The following DNAJB6 variants were observed in gnomAD, a reference collection of about 807,000 sequenced individuals.
The protein encoded by DNAJB6 is dnaJ homolog subfamily B member 6.
DNAJB6 carries 16 observed loss-of-function variants against 42.7 expected under a neutral mutation model. The observed-to-expected ratio is 0.37, with a 90% CI of 0.25 to 0.57. DNAJB6 has a LOEUF of 0.57. Ranked by LOEUF, DNAJB6 falls within the 20% of genes least tolerant of loss-of-function variation. The probability of loss-of-function intolerance (pLI) is 0.74; values close to 1 mark genes in which losing one functional copy is unlikely to be tolerated. For missense variants in DNAJB6, 347 were observed against 416.8 expected (o/e 0.83, Z 1.46); for synonymous variants, 170 against 163.5 (o/e 1.04, Z -0.30).
intron 5 of DNAJB6, chr7:157,380,301 T>C (rs766013062): frequency 6.6e-6 from 1 of 152,228 alleles, no homozygotes; most frequent in Non-Finnish European, 1.5e-5. Context: ...CTAAATAGCA[T>C]GCTTGGATTT....
intron 5 of DNAJB6, chr7:157,368,943 G>A (rs1202738120): frequency 1.2e-5 from 3 of 247,188 alleles, no homozygotes; most frequent in Admixed American, 5.2e-5. Flanking sequence ...CTCATATCTG[G>A]TAGGTCTTGG....
chr7:157,397,064 T>A (rs1801622672), intron 8 of DNAJB6, among the ~76,000 whole-genome samples: 1 of 152,218 alleles, frequency 6.6e-6, no homozygotes, highest in Admixed American at 6.5e-5. Flanking sequence ...CTCACCGATG[T>A]GGACGTGTGC....
At chr7:157,386,577 G>A (rs1801070433) in intron 8 of DNAJB6, among the ~76,000 whole-genome samples, 1 of 151,900 alleles carries the variant, frequency 6.6e-6, no homozygotes, top group African/African-American at 2.4e-5. Flanking sequence ...GTATGTTCTA[G>A]TTTGATGTAA....
intron 1 of DNAJB6, among the ~76,000 whole-genome samples, chr7:157,354,937 C>T (rs765820132): frequency 1.1e-4 from 16 of 151,990 alleles, no homozygotes; most frequent in Admixed American, 3.9e-4. Flanking sequence ...AAATTTTGGT[C>T]GTGTTCTATT....
chr7:157,406,757 C>T (rs1179340085), intron 8 of DNAJB6, among the ~76,000 whole-genome samples: 1 of 152,246 alleles, frequency 6.6e-6, no homozygotes, highest in Admixed American at 6.5e-5. Context: ...GTCTCAGCCT[C>T]TGAGGAGACG....
chr7:157,406,149 G>A (rs1420555010), intron 8 of DNAJB6, among the ~76,000 whole-genome samples: 1 of 152,254 alleles, frequency 6.6e-6, no homozygotes, highest in East Asian at 1.9e-4. Context: ...GACCCCTGCT[G>A]GCACATCTGT....
At chr7:157,341,366 C>T (rs1237224543) in intron 1 of DNAJB6, among the ~76,000 whole-genome samples, 2 of 152,058 alleles carry the variant, frequency 1.3e-5, no homozygotes, top group Non-Finnish European at 2.9e-5. Flanking sequence ...CCTCGTGATC[C>T]ACCCGCCTCG....
rs750100897 is a variant in DNAJB6, at chr7:157,384,908, T to C, written c.520T>C (p.Ser174Pro). ...GTCACTAGGTCACGGGGGCCTCACTTCATTCTCTTCCACGTCATTTGGTGG... is the reference window on the plus strand; with the variant it reads ...GTCACTAGGTCACGGGGGCCTCACTCCATTCTCTTCCACGTCATTTGGTGG... ...FGSLGHGGLT[S>P]FSSTSFGGSG... Residue 174 changes from serine to proline, a missense_variant, in exon 7 of 10, where the codon TCA becomes CCA. Coordinates refer to ENST00000262177, the MANE Select transcript of DNAJB6 (RefSeq NM_058246.4). 2.3e-5 allele frequency: 37 copies of C among 1,613,608 alleles called. No homozygotes were observed. The highest frequency in any genetic ancestry group is 3.0e-5 in the Non-Finnish European group (35 of 1,179,880).
intron 8 of DNAJB6, among the ~76,000 whole-genome samples, chr7:157,391,883 C>T (rs1801360899): frequency 6.6e-6 from 1 of 152,028 alleles, no homozygotes; most frequent in Non-Finnish European, 1.5e-5. Context: ...GGGTTGATTG[C>T]TTTGAGCCCA....
At chr7:157,415,383 C>T (rs1796084460) in intron 9 of DNAJB6, 1 of 152,324 alleles carries the variant, frequency 6.6e-6, no homozygotes, top group Non-Finnish European at 1.5e-5. Flanking sequence ...AAAGACTTTC[C>T]TCAATAAGAA....
intron 3 of DNAJB6, among the ~76,000 whole-genome samples, chr7:157,365,318 G>T (rs955429035): frequency 1.3e-5 from 2 of 152,248 alleles, no homozygotes; most frequent in Admixed American, 1.3e-4. Context: ...TAATGTCATT[G>T]TTTTTGTTCT....
Position 157,384,821 on chromosome 7 carries a change from A to C in DNAJB6, c.479-46A>C, listed in dbSNP as rs1439346049. 3 of 1,576,254 alleles carry C rather than the reference A, an allele frequency of 1.9e-6. No homozygotes were observed. The South Asian group carries it at 3.4e-5, about 18-fold the overall frequency. On this transcript the variant is annotated intron_variant, in intron 6 of 9. Transcript: ENST00000262177. ...TTCAAACTCTTGTCTTTGCATTACT[A>C]GTTGACATATTTCTTTAAGCATTTT...
intron 1 of DNAJB6, among the ~76,000 whole-genome samples, chr7:157,352,699 T>C (rs1303799197): frequency 1.3e-5 from 2 of 152,124 alleles, no homozygotes; most frequent in Non-Finnish European, 2.9e-5. Flanking sequence ...TTCTACTTCA[T>C]CACAAGCAGG....
intron 9 of DNAJB6, chr7:157,413,568 G>A (rs1429667401): frequency 6.6e-6 from 1 of 152,204 alleles, no homozygotes; most frequent in African/African-American, 2.4e-5. Context: ...AGTCACTGGT[G>A]GGAGAGCGTG....
chr7:157,342,148 G>A (rs1272759261), intron 1 of DNAJB6, among the ~76,000 whole-genome samples: 4 of 150,878 alleles, frequency 2.7e-5, no homozygotes, highest in African/African-American at 7.3e-5. Context: ...GTGAAGCACC[G>A]AGCCTGGCCC....
intron 8 of DNAJB6, among the ~76,000 whole-genome samples, chr7:157,391,675 C>T (rs1473632188): frequency 6.6e-6 from 1 of 152,258 alleles, no homozygotes; most frequent in African/African-American, 2.4e-5. Flanking sequence ...TCCGTGGATC[C>T]TGGCAAAATA....
At position 157,353,024 on chromosome 7, in the gene DNAJB6, G is replaced by C. The variant is rs112962071; in HGVS notation, c.-26-5523G>C. ...AAATGTAGGTTTTAAATTCAATTCA[G>C]TCAATTCACTTTGAAGCCCACATTC... On this transcript the variant is annotated intron_variant, in intron 1 of 9. Transcript: ENST00000262177. 7.9e-3 allele frequency among the ~76,000 whole-genome samples: 1,204 copies of C among 152,058 alleles called. 19 individuals are homozygous for C. The highest frequency in any genetic ancestry group is 0.028 in the African/African-American group (1,148 of 41,470).
chr7:157,364,506 C>A (rs1270515964), intron 3 of DNAJB6, among the ~76,000 whole-genome samples: 4 of 152,070 alleles, frequency 2.6e-5, no homozygotes, highest in African/African-American at 7.2e-5. Context: ...CCTTGAACTC[C>A]TGGGTTGAGG....
At chr7:157,368,813 A>G (rs1424527511) in intron 5 of DNAJB6, 3 of 166,210 alleles carry the variant, frequency 1.8e-5, no homozygotes, top group East Asian at 3.7e-4. Context: ...GCTTGGGTGA[A>G]GAAACTGAAC....
Sources: allele counts gnomAD v4.1 joint callset (sites outside exome capture counted in the v4.1 genomes callset), GRCh38; gene constraint gnomAD v4.1.1; transcripts MANE v1.5; gene names NCBI Gene and HGNC (gene_info 2026-07-23, HGNC 2026-07-21).